CCNQ: variants seen among roughly 807,000 people sequenced by gnomAD.
The protein encoded by CCNQ is cyclin-Q.
CCNQ carries 3 observed loss-of-function variants against 17.7 expected under a neutral mutation model. That is an observed-to-expected ratio of 0.17 (90% CI 0.08 to 0.44). The LOEUF (loss-of-function observed/expected upper bound fraction) is 0.44. Among genes scored for constraint, CCNQ ranks in the 20% least tolerant of loss-of-function variants. The pLI is 0.99. For missense variants in CCNQ, 146 were observed against 222.6 expected, an observed-to-expected ratio of 0.66 and a Z score of 2.19; for synonymous variants, 73 against 96.0, an observed-to-expected ratio of 0.76 and a Z score of 1.40.
chrX:153,588,534 C>T lies in CCNQ; in HGVS notation c.658-80G>A, dbSNP rs12394354. On this transcript the variant is annotated intron_variant, in intron 4 of 4. Coordinates refer to ENST00000576892, the MANE Select transcript of CCNQ (RefSeq NM_152274.5). ...GCACCTGTCACTAAGCAGAGAATCA[C>T]ATTTCATGGGCAGGGGAGGGGCACA... 1,386 of 742,324 alleles carry T rather than the reference C, an allele frequency of 1.9e-3. 17 individuals carry two copies. In the African/African-American group the frequency reaches 0.025, roughly 13 times the overall value. The allele number at this position is 742,324 out of a possible 1,213,427, so 61.2% of individuals were successfully genotyped here.
chrX:153,594,404 G>T, intron 3 of CCNQ, 143 bp downstream of exon 3: 1 of 829,222 alleles, frequency 1.2e-6, no homozygotes, highest in South Asian at 2.1e-5. Context: ...CAAACACAGA[G>T]CCAGGAGACC....
rs138024791 is a variant in CCNQ at position 153,592,440 on chromosome X, G to C, written c.657+66C>G. On this transcript the variant is annotated intron_variant, in intron 4 of 4. Transcript: ENST00000576892. ...ATGGATAATTAATAGAATTTGGTGA[G>C]CACTGCAATACAGAGACTTCCAGAG... The C allele has an allele frequency of 1.0e-3, 1,074 of 1,029,220 alleles. 3 individuals are homozygous for C. The African/African-American group carries it at 0.017, about 16-fold the overall frequency. The allele number at this position is 1,029,220 out of a possible 1,213,427, so 84.8% of individuals were successfully genotyped here. A position where few individuals can be genotyped will look rare whatever the true frequency, so the allele number is the denominator to read the frequency against.
chrX:153,588,618 C>T (rs781916820), intron 4 of CCNQ, among the ~76,000 whole-genome samples, 164 bp from the exon 5 acceptor site: 5 of 112,529 alleles, frequency 4.4e-5, no homozygotes, highest in Non-Finnish European at 9.4e-5. Flanking sequence ...AATTCCAGCC[C>T]GTTGAGGCCA....
At chrX:153,593,283 A>C (rs993497331) in intron 3 of CCNQ, among the ~76,000 whole-genome samples, 1 of 112,531 alleles carries the variant, frequency 8.9e-6, no homozygotes, top group Non-Finnish European at 1.9e-5. Flanking sequence ...CTCTCTGGAC[A>C]GTCTGGAACA....
At chrX:153,592,796 A>AT (rs1603157674) in intron 3 of CCNQ, 63 bp from the exon 4 acceptor site, 1 of 1,019,701 alleles carries the variant, frequency 9.8e-7, no homozygotes, top group Non-Finnish European at 1.4e-6. Context: ...TGACATAATC[A>AT]TATCAGCACC....
intron 3 of CCNQ, among the ~76,000 whole-genome samples, chrX:153,594,194 G>C (rs1379311625): frequency 1.8e-5 from 2 of 112,621 alleles, no homozygotes; most frequent in Non-Finnish European, 3.8e-5. Flanking sequence ...CGGGGACTCT[G>C]GCCGGTCACA....
intron 3 of CCNQ, among the ~76,000 whole-genome samples, chrX:153,593,478 G>A (rs1557026272): frequency 9.0e-6 from 1 of 111,544 alleles, no homozygotes; most frequent in East Asian, 2.8e-4. Flanking sequence ...AAGCCCTGTC[G>A]CCTTGACAAC....
chrX:153,593,707 G>A (rs1007605340), intron 3 of CCNQ, among the ~76,000 whole-genome samples: 7 of 112,302 alleles, frequency 6.2e-5, no homozygotes, highest in African/African-American at 2.3e-4. Flanking sequence ...GTCCGTGAAC[G>A]GAGTCGTGAT....
chrX:153,588,951 G>A (rs1326191614), intron 4 of CCNQ, among the ~76,000 whole-genome samples: 2 of 113,234 alleles, frequency 1.8e-5, no homozygotes, highest in African/African-American at 6.4e-5. Context: ...GCAAGACGGC[G>A]AAGGACATCC....
chrX:153,588,313 C>T lies in CCNQ; in HGVS notation c.*52G>A. ...TCATGGCGACGTGGTGACAATGTCCCCAGGCAGCCGACCATCCTGGGCTTC... is the reference window on the plus strand; with the variant it reads ...TCATGGCGACGTGGTGACAATGTCCTCAGGCAGCCGACCATCCTGGGCTTC... On this transcript the variant is annotated 3_prime_UTR_variant, in exon 5 of 5. Coordinates refer to ENST00000576892, the MANE Select transcript of CCNQ (RefSeq NM_152274.5). 1.9e-6 allele frequency: 2 copies of T among 1,047,357 alleles called. No homozygotes were observed. Among genetic ancestry groups the T allele is most frequent in the Non-Finnish European group, 2.7e-6 (2 of 745,145 alleles). The allele number at this position is 1,047,357 out of a possible 1,213,427, so 86.3% of individuals were successfully genotyped here.
chrX:153,590,662 A>G (rs1341783330), intron 4 of CCNQ, among the ~76,000 whole-genome samples: 1 of 112,206 alleles, frequency 8.9e-6, no homozygotes, highest in South Asian at 3.7e-4. Flanking sequence ...AACGTGGTAC[A>G]ATTTAGGTGA....
chrX:153,597,885 G>A (rs1008745066), intron 1 of CCNQ, among the ~76,000 whole-genome samples: 1 of 110,782 alleles, frequency 9.0e-6, no homozygotes, highest in Non-Finnish European at 1.9e-5. Flanking sequence ...CAATTTACAC[G>A]GACCCTCCGA....
At chrX:153,597,834 ACT>A (rs782687636) in intron 1 of CCNQ, 1 of 111,456 alleles carries the variant, frequency 9.0e-6, no homozygotes, top group African/African-American at 3.3e-5. Context: ...AGGTGCTGTT[ACT>A]GACATGACCT....
At chrX:153,596,757 T>G (rs1278546103) in intron 1 of CCNQ, among the ~76,000 whole-genome samples, 1 of 112,487 alleles carries the variant, frequency 8.9e-6, no homozygotes, top group Non-Finnish European at 1.9e-5. Context: ...GCAGCGTGAC[T>G]GCCAAGAGTA....
chrX:153,595,412 C>T (rs2091020857), intron 2 of CCNQ, among the ~76,000 whole-genome samples: 1 of 113,952 alleles, frequency 8.8e-6, no homozygotes, highest in Non-Finnish European at 1.9e-5. Context: ...GCCACCACGT[C>T]CAGCCATCCA....
intron 1 of CCNQ, among the ~76,000 whole-genome samples, chrX:153,596,665 C>T (rs1460042862): frequency 2.7e-5 from 3 of 112,873 alleles, no homozygotes; most frequent in Non-Finnish European, 5.6e-5. Context: ...CTCGTGGGTG[C>T]CACAAGTCCT....
At position 153,588,172 on chromosome X, in the gene CCNQ, C is replaced by A; in HGVS notation, c.*193G>T. ...TGCCCGCTGGAGGCGCGGCTCCCAC[C>A]ATCACCTGCACCGCGACTTCTAGGG... On this transcript the variant is annotated 3_prime_UTR_variant, in exon 5 of 5. Coordinates refer to ENST00000576892, the MANE Select transcript of CCNQ (RefSeq NM_152274.5). 1.9e-6 allele frequency: 1 copy of A among 531,629 alleles called. No individual in the cohort carries two copies. Among genetic ancestry groups the A allele is most frequent in the Non-Finnish European group, 3.4e-6 (1 of 290,343 alleles). The allele number at this position is 531,629 out of a possible 1,213,427, so 43.8% of individuals were successfully genotyped here. A position where few individuals can be genotyped will look rare whatever the true frequency, so the allele number is the denominator to read the frequency against.
At chrX:153,590,915 G>A (rs1408616823) in intron 4 of CCNQ, among the ~76,000 whole-genome samples, 1 of 111,768 alleles carries the variant, frequency 8.9e-6, no homozygotes, top group Non-Finnish European at 1.9e-5. Flanking sequence ...CTCTGGACGT[G>A]GAAGTTTCAG....
At chrX:153,597,902 G>A (rs2091038837) in intron 1 of CCNQ, among the ~76,000 whole-genome samples, 1 of 110,762 alleles carries the variant, frequency 9.0e-6, no homozygotes. Flanking sequence ...CCGAGCAGAC[G>A]GTAGCAGATG....
Sources: gnomAD v4.1 joint callset for allele counts (sites outside exome capture counted in the v4.1 genomes callset) on GRCh38, gnomAD v4.1.1 for gene constraint, MANE v1.5 for transcripts, NCBI Gene and HGNC (gene_info 2026-07-23, HGNC 2026-07-21) for gene names.